The following ZMIZ1 variants were observed in gnomAD, a reference collection of about 807,000 sequenced individuals.
The protein encoded by ZMIZ1 is zinc finger MIZ-type containing 1.
A neutral mutation model predicts 113.9 loss-of-function variants in ZMIZ1; 17 were observed. The observed-to-expected ratio is 0.15, with a 90% CI of 0.10 to 0.22. The LOEUF (loss-of-function observed/expected upper bound fraction) is 0.22. ZMIZ1 is among the 10% of genes least tolerant of loss of function. The probability of loss-of-function intolerance (pLI) is 1.00; values close to 1 mark genes in which losing one functional copy is unlikely to be tolerated. For synonymous variants in ZMIZ1, 607 were observed against 603.1 expected, an observed-to-expected ratio of 1.01 and a Z score of -0.09; for missense variants, 1,059 against 1,477.8, an observed-to-expected ratio of 0.72 and a Z score of 4.65.
chr10:79,111,318 G>C (rs1319921806), intron 1 of ZMIZ1, among the ~76,000 whole-genome samples: 2 of 152,220 alleles, frequency 1.3e-5, no homozygotes, highest in Non-Finnish European at 2.9e-5. Flanking sequence ...GAGGAGGCAG[G>C]CCAGGCTGGA....
Position 79,296,620 on chromosome 10 carries a change from GC to G in ZMIZ1, c.1386del (p.Thr463ArgfsTer58). On this transcript the variant is annotated frameshift_variant, in exon 13 of 25. Transcript: ENST00000334512. LOFTEE classifies it high-confidence loss of function. The surrounding 1 kb of genome is among the most constrained non-coding windows in gnomAD (Gnocchi z 4.1). ...GCCAGCCGAGCTCCGGGCAGTACCC[GC>G]CCCCCACGGTCAACATGGGGCAGTA... ...PSQPSSGQYP[P>X]PTVNMGQYYK... 6.3e-7 allele frequency: 1 copy of G among 1,581,532 alleles called. No individual in the cohort carries two copies. Among genetic ancestry groups the G allele is most frequent in the Non-Finnish European group, 8.6e-7 (1 of 1,163,496 alleles).
intron 7 of ZMIZ1, among the ~76,000 whole-genome samples, chr10:79,264,875 C>T (rs1458156263): frequency 1.3e-5 from 2 of 152,180 alleles, no homozygotes; most frequent in Non-Finnish European, 2.9e-5. Context: ...GTGGACAACA[C>T]CCTCTTGAGC....
intron 1 of ZMIZ1, among the ~76,000 whole-genome samples, chr10:79,095,717 G>A (rs1425271193): frequency 1.3e-5 from 2 of 152,296 alleles, no homozygotes; most frequent in East Asian, 1.9e-4. Context: ...GCAGACCCCC[G>A]CACCCCGTGT....
intron 7 of ZMIZ1, among the ~76,000 whole-genome samples, chr10:79,251,525 C>G (rs953748351): frequency 3.9e-5 from 6 of 152,164 alleles, no homozygotes; most frequent in African/African-American, 1.4e-4. Context: ...TCCCCCAACC[C>G]CTCACCCCAT....
intron 1 of ZMIZ1, among the ~76,000 whole-genome samples, chr10:79,116,577 G>A (rs530633808): frequency 6.6e-6 from 1 of 152,292 alleles, no homozygotes; most frequent in East Asian, 1.9e-4. Flanking sequence ...GTGAGGTAGA[G>A]CCTGCAGGGC....
At chr10:79,254,327 G>A (rs977857353) in intron 7 of ZMIZ1, among the ~76,000 whole-genome samples, 4 of 152,250 alleles carry the variant, frequency 2.6e-5, no homozygotes, top group African/African-American at 9.6e-5. Context: ...TGTTCAGGGA[G>A]TGGACTGAGG....
intron 7 of ZMIZ1, among the ~76,000 whole-genome samples, chr10:79,238,768 T>C (rs992847311): frequency 4.5e-4 from 68 of 152,348 alleles, no homozygotes; most frequent in African/African-American, 1.5e-3. Context: ...TAAACCTCCC[T>C]GCGCCTCTGT....
intron 4 of ZMIZ1, among the ~76,000 whole-genome samples, chr10:79,182,529 AG>A (rs1293941628): frequency 6.6e-6 from 1 of 152,236 alleles, no homozygotes; most frequent in Non-Finnish European, 1.5e-5. Context: ...AATGTCTCCC[AG>A]GGGTCCACAA....
chr10:79,238,104 G>A (rs1041140756), intron 7 of ZMIZ1, among the ~76,000 whole-genome samples: 4 of 152,116 alleles, frequency 2.6e-5, no homozygotes. Context: ...GCAGGTAGCT[G>A]AGCAGGCTCC....
At chr10:79,224,930 G>A (rs1435985585) in intron 7 of ZMIZ1, among the ~76,000 whole-genome samples, 1 of 152,234 alleles carries the variant, frequency 6.6e-6, no homozygotes, top group African/African-American at 2.4e-5. Flanking sequence ...GTAACCTGCT[G>A]TGGACACCTG....
At chr10:79,281,866 A>T (rs543682435) in intron 8 of ZMIZ1, among the ~76,000 whole-genome samples, 52 of 152,236 alleles carry the variant, frequency 3.4e-4, no homozygotes, top group Non-Finnish European at 6.5e-4. Context: ...GATATTAAAC[A>T]GCGCACAGGG....
chr10:79,167,963 GA>G (rs1385127880), intron 4 of ZMIZ1, among the ~76,000 whole-genome samples: 1 of 152,206 alleles, frequency 6.6e-6, no homozygotes, highest in Non-Finnish European at 1.5e-5. Flanking sequence ...CTAGGAGGGA[GA>G]AGAGGGGATT....
chr10:79,100,735 G>A (rs1159512083), intron 1 of ZMIZ1, among the ~76,000 whole-genome samples: 1 of 152,164 alleles, frequency 6.6e-6, no homozygotes, highest in African/African-American at 2.4e-5. Flanking sequence ...CAGGGGCCTG[G>A]GTATGGGCCA....
intron 7 of ZMIZ1, among the ~76,000 whole-genome samples, chr10:79,224,806 G>C (rs753664361): frequency 9.2e-5 from 14 of 152,184 alleles, no homozygotes; most frequent in Non-Finnish European, 1.5e-4. Flanking sequence ...CCTGCGGTGA[G>C]GATTCCAGTG....
intron 1 of ZMIZ1, among the ~76,000 whole-genome samples, chr10:79,107,712 A>AG (rs539978844): frequency 7.9e-5 from 12 of 152,300 alleles, no homozygotes; most frequent in African/African-American, 2.9e-4. Context: ...GGGGGCAGGG[A>AG]GGGCACTGGC....
At chr10:79,261,189 G>A (rs1009390522) in intron 7 of ZMIZ1, among the ~76,000 whole-genome samples, 3 of 152,210 alleles carry the variant, frequency 2.0e-5, no homozygotes, top group Admixed American at 6.5e-5. Context: ...GGGTGGTCGG[G>A]TTTTTGACCC....
At chr10:79,173,649 C>T (rs900955575) in intron 4 of ZMIZ1, among the ~76,000 whole-genome samples, 12 of 152,324 alleles carry the variant, frequency 7.9e-5, no homozygotes, top group African/African-American at 2.4e-4. Context: ...CTGTTAATCA[C>T]TATGTTATCC....
At chr10:79,080,254 C>T (rs1842612101) in intron 1 of ZMIZ1, among the ~76,000 whole-genome samples, 1 of 151,908 alleles carries the variant, frequency 6.6e-6, no homozygotes, top group African/African-American at 2.4e-5. Flanking sequence ...TCCACAACCT[C>T]CCTGCGCCTC....
At chr10:79,285,690 T>C (rs1042033351) in intron 8 of ZMIZ1, 9 of 427,674 alleles carry the variant, frequency 2.1e-5, no homozygotes, top group South Asian at 1.5e-4. Flanking sequence ...TGAGCCCTAT[T>C]GGTGTGTGAA....
Sources: gnomAD v4.1 joint callset for allele counts (sites outside exome capture counted in the v4.1 genomes callset) on GRCh38, gnomAD v4.1.1 for gene constraint, Gnocchi (gnomAD v3.1) non-coding constraint, MANE v1.5 for transcripts, NCBI Gene and HGNC (gene_info 2026-07-23, HGNC 2026-07-21) for gene names.